The following CYFIP2 variants were observed in gnomAD, a reference collection of about 807,000 sequenced individuals.
CYFIP2 encodes the protein cytoplasmic FMR1 interacting protein 2.
CYFIP2 carries 29 observed loss-of-function variants against 158.7 expected under a neutral mutation model. That is an observed-to-expected ratio of 0.18 (90% confidence interval 0.14 to 0.25). CYFIP2 has a LOEUF of 0.25. Among genes scored for constraint, CYFIP2 ranks in the 10% least tolerant of loss-of-function variants. The pLI is 1.00. For synonymous variants in CYFIP2, 585 were observed against 617.6 expected (o/e 0.95, Z 0.78); for missense variants, 852 against 1,639.5 (o/e 0.52, Z 8.29).
Position 157,359,139 on chromosome 5 carries a change from G to C in CYFIP2, c.2808G>C (p.Val936=). Residue 936 remains valine, a synonymous_variant, in exon 24 of 31, where the codon GTG becomes GTC. Transcript: ENST00000620254. ...AVVMEELLKI[V]KSLLQGTILQ... is the part of the protein sequence containing the mutation. Reference sequence around the variant, plus strand: ...TCATGGAGGAACTGCTAAAGATTGTGAAGAGCTTGGTAAGGAAAGGCCTCA... The same window carrying C: ...TCATGGAGGAACTGCTAAAGATTGTCAAGAGCTTGGTAAGGAAAGGCCTCA... The C allele has an allele frequency of 6.2e-7, 1 of 1,614,000 alleles. No individual in the cohort carries two copies. The highest frequency in any genetic ancestry group is 8.5e-7 in the Non-Finnish European group (1 of 1,179,876).
chr5:157,319,588 T>G (rs1760425913), intron 13 of CYFIP2, among the ~76,000 whole-genome samples, 174 bp from the exon 14 acceptor site: 1 of 152,284 alleles, frequency 6.6e-6, no homozygotes, highest in Admixed American at 6.5e-5. Flanking sequence ...AGTGCTGATA[T>G]ACGTACATTC....
chr5:157,283,191 C>G (rs1757124775), intron 1 of CYFIP2, among the ~76,000 whole-genome samples: 1 of 152,154 alleles, frequency 6.6e-6, no homozygotes, highest in African/African-American at 2.4e-5. Flanking sequence ...TCTGTTTGTT[C>G]ATCTATAGAC....
intron 26 of CYFIP2, among the ~76,000 whole-genome samples, chr5:157,367,685 T>C (rs1438255022): frequency 6.6e-6 from 1 of 152,148 alleles, no homozygotes. Flanking sequence ...AATTCATTGA[T>C]TGAAAACTCA....
chr5:157,352,008 T>G (rs1763104671), intron 23 of CYFIP2, among the ~76,000 whole-genome samples: 1 of 152,124 alleles, frequency 6.6e-6, no homozygotes, highest in African/African-American at 2.4e-5. Context: ...TGATGCTCAA[T>G]AAAACAAAAC....
At chr5:157,325,776 C>T in intron 17 of CYFIP2, 138 bp downstream of exon 17, 1 of 908,202 alleles carries the variant, frequency 1.1e-6, no homozygotes, top group Non-Finnish European at 1.6e-6. Flanking sequence ...AGGGAGAGCT[C>T]AGCCAGACAG....
At chr5:157,367,042 T>A (rs1397915399) in intron 26 of CYFIP2, among the ~76,000 whole-genome samples, 1 of 152,182 alleles carries the variant, frequency 6.6e-6, no homozygotes, top group Admixed American at 6.5e-5. Context: ...CTCTGTTACT[T>A]CTTCTCTCCT....
intron 26 of CYFIP2, among the ~76,000 whole-genome samples, chr5:157,362,127 G>T (rs1763886892): frequency 6.6e-6 from 1 of 152,222 alleles, no homozygotes; most frequent in Non-Finnish European, 1.5e-5. Context: ...GTAGATTTCA[G>T]AGAGTTTCTG....
Position 157,394,293 on chromosome 5 carries a change from C to T in CYFIP2, c.*1293C>T, listed in dbSNP as rs1393156097. ...GCTTTAGGATATAAATTTCATGTTA[C>T]AGAGCATGTCATTGTCAAAGGAAAT... On this transcript the variant is annotated 3_prime_UTR_variant, in exon 31 of 31. Transcript: ENST00000620254. 6.6e-6 allele frequency: 1 copy of T among 152,166 alleles called. No homozygotes were observed. The highest frequency in any genetic ancestry group is 6.5e-5 in the Admixed American group (1 of 15,276). The allele number at this position is 152,166 out of a possible 1,614,324, so 9.4% of individuals were successfully genotyped here. A position where few individuals can be genotyped will look rare whatever the true frequency, so the allele number is the denominator to read the frequency against.
At chr5:157,294,991 G>T in intron 4 of CYFIP2, 131 bp downstream of exon 4, 1 of 595,402 alleles carries the variant, frequency 1.7e-6, no homozygotes, top group Non-Finnish European at 2.9e-6. Flanking sequence ...CTTATCCAAG[G>T]AAGAACCTGG....
chr5:157,346,377 A>G (rs1226100005), intron 23 of CYFIP2, among the ~76,000 whole-genome samples: 1 of 152,176 alleles, frequency 6.6e-6, no homozygotes. Context: ...AGATATAACT[A>G]GTTAAGGATC....
intron 1 of CYFIP2, among the ~76,000 whole-genome samples, chr5:157,268,248 G>T (rs925001895): frequency 6.6e-6 from 1 of 152,212 alleles, no homozygotes; most frequent in Non-Finnish European, 1.5e-5. Context: ...GGCACCCAAG[G>T]CTGCCTTGTT....
intron 9 of CYFIP2, 57 bp from the exon 10 acceptor site, chr5:157,309,686 G>A (rs1759543891): frequency 6.7e-7 from 1 of 1,491,328 alleles, no homozygotes; most frequent in East Asian, 2.4e-5. Flanking sequence ...TGGCAGCGAA[G>A]GCAGCCACCC....
chr5:157,348,940 A>G (rs1762879018), intron 23 of CYFIP2, among the ~76,000 whole-genome samples: 1 of 139,352 alleles, frequency 7.2e-6, no homozygotes, highest in African/African-American at 2.8e-5. Flanking sequence ...ACAGTGGAAG[A>G]CTTCATCTCA....
At chr5:157,346,950 G>A (rs1354535326) in intron 23 of CYFIP2, among the ~76,000 whole-genome samples, 3 of 152,126 alleles carry the variant, frequency 2.0e-5, no homozygotes, top group Admixed American at 6.5e-5. Flanking sequence ...ATCCCTTCCT[G>A]TTCCTTTCAA....
At chr5:157,281,181 G>C (rs143356484) in intron 1 of CYFIP2, among the ~76,000 whole-genome samples, 1 of 152,272 alleles carries the variant, frequency 6.6e-6, no homozygotes, top group African/African-American at 2.4e-5. Context: ...GTGAGTTGGC[G>C]TCAAAGGCTT....
intron 1 of CYFIP2, among the ~76,000 whole-genome samples, chr5:157,268,229 G>A (rs559330021): frequency 6.4e-4 from 98 of 152,332 alleles, no homozygotes; most frequent in Admixed American, 4.6e-3. Flanking sequence ...AGTTCTGACC[G>A]GTTCTGTAGG....
intron 29 of CYFIP2, 95 bp downstream of exon 29, chr5:157,389,522 G>A: frequency 8.5e-7 from 1 of 1,173,596 alleles, no homozygotes. Context: ...ACGTGGGCAG[G>A]GGGTGGGGGT....
chr5:157,311,497 C>G lies in CYFIP2; in HGVS notation c.993-167C>G. On this transcript the variant is annotated intron_variant, in intron 10 of 30. Transcript: ENST00000620254. The surrounding 1 kb of genome is among the most constrained non-coding windows in gnomAD (Gnocchi z 4.7). ...GGACTGTTCCATTAGGCCTGAAGCT[C>G]CCACAGTGTTGGACTTAGCAGGCTT... is the stretch of plus-strand genomic sequence containing the variant. 1.6e-6 allele frequency: 1 copy of G among 616,354 alleles called. No individual in the cohort carries two copies. 38.2% of individuals were successfully genotyped at this position (616,354 alleles called of 1,614,324 possible). A position where few individuals can be genotyped will look rare whatever the true frequency, so the allele number is the denominator to read the frequency against.
chr5:157,383,238 T>C (rs1182087292), intron 27 of CYFIP2, 27 bp from the exon 28 acceptor site: 1 of 1,608,260 alleles, frequency 6.2e-7, no homozygotes, highest in Non-Finnish European at 8.5e-7. Context: ...CTGAGTCTCA[T>C]TTTCTGCTCT....
Sources: gnomAD v4.1 joint callset for allele counts (sites outside exome capture counted in the v4.1 genomes callset) on GRCh38, gnomAD v4.1.1 for gene constraint, Gnocchi (gnomAD v3.1) non-coding constraint, MANE v1.5 for transcripts, NCBI Gene and HGNC (gene_info 2026-07-23, HGNC 2026-07-21) for gene names.